The following MTUS1 variants were observed in gnomAD, a reference collection of about 807,000 sequenced individuals.
MTUS1 encodes the protein microtubule-associated tumor suppressor 1.
MTUS1 carries 109 observed loss-of-function variants against 120.8 expected under a neutral mutation model. The ratio of observed to expected loss-of-function variants is 0.90; its 90% CI spans 0.77 to 1.06. The LOEUF is 1.06. Ranked by LOEUF, MTUS1 falls within the 50% of genes least tolerant of loss-of-function variation. The probability of loss-of-function intolerance (pLI) is 0.00; values close to 1 mark genes in which losing one functional copy is unlikely to be tolerated. For synonymous variants in MTUS1, 737 were observed against 550.5 expected (o/e 1.34, Z -4.74); for missense variants, 2,210 against 1,486.3 (o/e 1.49, Z -8.01).
intron 2 of MTUS1, among the ~76,000 whole-genome samples, chr8:17,751,901 A>C (rs1174735958): frequency 6.6e-6 from 1 of 151,876 alleles, no homozygotes; most frequent in Non-Finnish European, 1.5e-5. Context: ...GCAAAAAAGA[A>C]AAAAGAGTCC....
chr8:17,648,280 A>T (rs1806257086), intron 13 of MTUS1, among the ~76,000 whole-genome samples: 3 of 152,204 alleles, frequency 2.0e-5, no homozygotes, highest in African/African-American at 7.2e-5. Context: ...TCATTGTATC[A>T]ACTCATTCTT....
rs1469457094 is a variant in MTUS1, at chr8:17,766,009, T to C, written c.-154-10048A>G. Among the ~76,000 whole-genome samples the C allele has an allele frequency of 2.6e-5, 4 of 152,292 alleles. No homozygotes were observed. In the South Asian group the frequency reaches 6.2e-4, roughly 24 times the overall value. On this transcript the variant is annotated intron_variant, in intron 1 of 14. Transcript: ENST00000693296. ...TATATACTTTACATACTATAAATTA[T>C]ACACTACAAATTAAGAGACCTTTAT...
In MTUS1 at chr8:17,751,378, G is replaced by T. The variant is rs182605997; in HGVS notation, c.2091+2339C>A. Among the ~76,000 whole-genome samples, 5 of 152,312 alleles carry T rather than the reference G, an allele frequency of 3.3e-5. No individual in the cohort carries two copies. The East Asian group carries it at 9.6e-4, about 29-fold the overall frequency. ...GTAAGAGCCTTTGAGTGCTGCTGAA[G>T]TGACCAACCGACATTCATGTTTCAG... On this transcript the variant is annotated intron_variant, in intron 2 of 14. Transcript: ENST00000693296.
At chr8:17,733,557 G>C (rs932158996) in intron 3 of MTUS1, among the ~76,000 whole-genome samples, 1 of 152,174 alleles carries the variant, frequency 6.6e-6, no homozygotes, top group Non-Finnish European at 1.5e-5. Context: ...TGGGAAGAGA[G>C]TAGTGTAAAC....
At chr8:17,694,560 C>G (rs904868914) in intron 6 of MTUS1, among the ~76,000 whole-genome samples, 2 of 151,822 alleles carry the variant, frequency 1.3e-5, no homozygotes, top group East Asian at 3.9e-4. Flanking sequence ...CCCAGCTACT[C>G]GGGAGGCTGA....
intron 1 of MTUS1, among the ~76,000 whole-genome samples, chr8:17,756,408 C>G (rs1586199231): frequency 6.6e-6 from 1 of 152,082 alleles, no homozygotes; most frequent in South Asian, 2.1e-4. Context: ...GAAGGGCCCC[C>G]CTATTATTTC....
chr8:17,661,784 G>C (rs542666023), intron 8 of MTUS1, among the ~76,000 whole-genome samples: 47 of 152,296 alleles, frequency 3.1e-4, no homozygotes, highest in African/African-American at 1.0e-3. Context: ...ATAGTCCAAA[G>C]CAGCAGGCCC....
rs1030158251 is a variant in MTUS1 at position 17,697,770 on chromosome 8, G to A, written c.2624-13228C>T. The A allele has an allele frequency of 9.2e-6, 9 of 982,018 alleles. No individual in the cohort carries two copies. In the African/African-American group the frequency reaches 1.6e-4, roughly 17 times the overall value. 60.8% of individuals were successfully genotyped at this position (982,018 alleles called of 1,614,324 possible). On this transcript the variant is annotated intron_variant, in intron 6 of 14. Transcript: ENST00000693296. ...TTACAGAACAACCAATAATGTCACA[G>A]ATCCTGTAACCACTTGAAAGATCGC...
chr8:17,738,069 C>T (rs529026275), intron 3 of MTUS1, among the ~76,000 whole-genome samples: 2 of 152,270 alleles, frequency 1.3e-5, no homozygotes, highest in Non-Finnish European at 2.9e-5. Context: ...AAGTTTCGGA[C>T]GGACTACTGT....
intron 13 of MTUS1, among the ~76,000 whole-genome samples, chr8:17,649,033 G>C (rs1236345466): frequency 6.6e-6 from 1 of 152,188 alleles, no homozygotes; most frequent in Non-Finnish European, 1.5e-5. Context: ...CAAAGTGAAT[G>C]TTAATTCATA....
intron 1 of MTUS1, among the ~76,000 whole-genome samples, chr8:17,775,789 T>C (rs555326230): frequency 4.3e-4 from 66 of 152,354 alleles, no homozygotes; most frequent in Admixed American, 9.1e-4. Context: ...TACAGTCTCC[T>C]GGTGAGGCAG....
intron 7 of MTUS1, among the ~76,000 whole-genome samples, chr8:17,675,724 A>G (rs1363193528): frequency 6.6e-6 from 1 of 152,258 alleles, no homozygotes; most frequent in African/African-American, 2.4e-5. Context: ...TTCTAAAAGA[A>G]AGACAAAAAG....
intron 6 of MTUS1, among the ~76,000 whole-genome samples, chr8:17,698,612 A>T (rs1818433162): frequency 6.6e-6 from 1 of 152,236 alleles, no homozygotes; most frequent in East Asian, 1.9e-4. Context: ...TAACACTATT[A>T]AGTGCTATTA....
intron 3 of MTUS1, among the ~76,000 whole-genome samples, chr8:17,742,282 GTTGTTGTTGTTTTTTTTTT>G (rs1563302304): frequency 1.2e-5 from 1 of 82,266 alleles, no homozygotes; most frequent in Non-Finnish European, 2.3e-5. Context: ...TTTTTTTTTT[GTTGTTGTTGTTTTTTTTTT>G]TTTTTTTTTT....
chr8:17,701,178 CTTTATA>C (rs923875882), intron 6 of MTUS1, among the ~76,000 whole-genome samples: 1 of 152,114 alleles, frequency 6.6e-6, no homozygotes, highest in African/African-American at 2.4e-5. Flanking sequence ...GAATATTAAT[CTTTATA>C]TTTATCTCCT....
chr8:17,717,685 G>T (rs1462042888), intron 4 of MTUS1, among the ~76,000 whole-genome samples: 7 of 152,092 alleles, frequency 4.6e-5, no homozygotes, highest in African/African-American at 1.7e-4. Flanking sequence ...TCAGTAAAAA[G>T]ATTTTCACTA....
intron 6 of MTUS1, among the ~76,000 whole-genome samples, chr8:17,693,541 A>G (rs941291367): frequency 1.3e-5 from 2 of 152,192 alleles, no homozygotes; most frequent in African/African-American, 4.8e-5. Flanking sequence ...ATGCTCAGAA[A>G]TACTACAACT....
At chr8:17,714,055 C>T (rs996469283) in intron 5 of MTUS1, among the ~76,000 whole-genome samples, 3 of 152,112 alleles carry the variant, frequency 2.0e-5, no homozygotes, top group Non-Finnish European at 4.4e-5. Flanking sequence ...AGTTCAACAG[C>T]GTTAACTTCA....
At chr8:17,718,162 T>C (rs888026413) in intron 4 of MTUS1, among the ~76,000 whole-genome samples, 4 of 152,186 alleles carry the variant, frequency 2.6e-5, no homozygotes, top group Non-Finnish European at 5.9e-5. Context: ...GAAGGATGTA[T>C]ACCACCATGA....
Sources: gnomAD v4.1 joint callset for allele counts (sites outside exome capture counted in the v4.1 genomes callset) on GRCh38, gnomAD v4.1.1 for gene constraint, MANE v1.5 for transcripts, NCBI Gene and HGNC (gene_info 2026-07-23, HGNC 2026-07-21) for gene names.